The following SORCS3 variants were observed in gnomAD, a reference collection of about 807,000 sequenced individuals.
SORCS3 encodes the protein VPS10 domain-containing receptor SorCS3.
In SORCS3, 57 loss-of-function variants were observed where a neutral mutation model predicts 146.3. The observed-to-expected ratio is 0.39, with a 90% CI of 0.31 to 0.49. The LOEUF is 0.49. SORCS3 is among the 20% of genes least tolerant of loss of function. SORCS3 has a pLI of 0.92. For missense variants in SORCS3, 1,341 were observed against 1,575.5 expected, an observed-to-expected ratio of 0.85 and a Z score of 2.52; for synonymous variants, 653 against 618.5, an observed-to-expected ratio of 1.06 and a Z score of -0.83.
At chr10:104,648,430 C>G (rs1159484631) in intron 1 of SORCS3, among the ~76,000 whole-genome samples, 3 of 152,054 alleles carry the variant, frequency 2.0e-5, no homozygotes, top group Admixed American at 6.6e-5. Flanking sequence ...GATGAGGTGC[C>G]CATTTTATAG....
At chr10:104,896,591 G>A (rs1325796948) in intron 2 of SORCS3, among the ~76,000 whole-genome samples, 3 of 152,350 alleles carry the variant, frequency 2.0e-5, no homozygotes, top group East Asian at 1.9e-4. Flanking sequence ...TAGGGATGGG[G>A]CAAGTGGGCA....
intron 1 of SORCS3, among the ~76,000 whole-genome samples, chr10:104,753,543 T>A (rs1160644534): frequency 6.6e-6 from 1 of 152,224 alleles, no homozygotes; most frequent in Non-Finnish European, 1.5e-5. Flanking sequence ...CTAGCAACAC[T>A]TAGCTTTTAA....
intron 16 of SORCS3, among the ~76,000 whole-genome samples, chr10:105,208,779 A>G (rs1349289874): frequency 6.6e-6 from 1 of 152,146 alleles, no homozygotes; most frequent in African/African-American, 2.4e-5. Context: ...TTAGCTTGCA[A>G]AATTTCTGAG....
chr10:105,190,387 AC>A (rs1294703281), intron 14 of SORCS3, among the ~76,000 whole-genome samples: 2 of 152,146 alleles, frequency 1.3e-5, no homozygotes, highest in East Asian at 3.9e-4. Context: ...ATAATTTTTC[AC>A]TAATATTAGT....
intron 11 of SORCS3, among the ~76,000 whole-genome samples, chr10:105,163,024 T>C (rs1233727189): frequency 6.6e-6 from 1 of 152,176 alleles, no homozygotes; most frequent in Non-Finnish European, 1.5e-5. Flanking sequence ...AACCTGTATC[T>C]GGGGAGTTGA....
chr10:105,216,857 C>T (rs2056668005), intron 18 of SORCS3, 79 bp from the exon 19 acceptor site: 2 of 1,430,238 alleles, frequency 1.4e-6, no homozygotes, highest in African/African-American at 2.8e-5. Context: ...GAGGTTGATG[C>T]TGAAGCAACA....
At chr10:104,975,573 A>G (rs1329313386) in intron 3 of SORCS3, among the ~76,000 whole-genome samples, 1 of 152,208 alleles carries the variant, frequency 6.6e-6, no homozygotes, top group Non-Finnish European at 1.5e-5. Flanking sequence ...TAAAGTTCAT[A>G]TGGAGCCAAA....
chr10:104,929,844 A>C (rs1479873571), intron 3 of SORCS3, among the ~76,000 whole-genome samples: 2 of 152,244 alleles, frequency 1.3e-5, no homozygotes, highest in Non-Finnish European at 2.9e-5. Flanking sequence ...GCCAGCGTGC[A>C]AAAACTGGAA....
chr10:105,209,763 G>A (rs896570501), intron 16 of SORCS3, among the ~76,000 whole-genome samples: 6 of 152,146 alleles, frequency 3.9e-5, no homozygotes, highest in African/African-American at 1.4e-4. Flanking sequence ...GGTTGAAAAG[G>A]CTGGCTAGAA....
At chr10:105,150,602 C>A (rs150114138) in intron 9 of SORCS3, among the ~76,000 whole-genome samples, 5 of 152,250 alleles carry the variant, frequency 3.3e-5, no homozygotes, top group Non-Finnish European at 5.9e-5. Context: ...AGAAAGTAAG[C>A]TAGCCAGGCT....
chr10:105,158,858 T>G, intron 10 of SORCS3, 34 bp from the exon 11 acceptor site: 2 of 1,546,004 alleles, frequency 1.3e-6, no homozygotes, highest in Non-Finnish European at 1.8e-6. Flanking sequence ...GTCTGGAATT[T>G]CCTAGAATGA....
At chr10:104,643,010 G>T (rs371247545) in intron 1 of SORCS3, among the ~76,000 whole-genome samples, 1 of 152,232 alleles carries the variant, frequency 6.6e-6, no homozygotes, top group East Asian at 1.9e-4. Flanking sequence ...AAGAAAAGGC[G>T]GGGGACAGGT....
At chr10:104,769,883 T>C (rs1185649650) in intron 1 of SORCS3, among the ~76,000 whole-genome samples, 1 of 152,196 alleles carries the variant, frequency 6.6e-6, no homozygotes, top group East Asian at 1.9e-4. Flanking sequence ...TTATACACTT[T>C]TGTCAGATGA....
chr10:104,735,010 A>T (rs1001934344), intron 1 of SORCS3, among the ~76,000 whole-genome samples: 1 of 151,976 alleles, frequency 6.6e-6, no homozygotes. Flanking sequence ...GCAGTTAATT[A>T]AAAAAAATCT....
intron 4 of SORCS3, among the ~76,000 whole-genome samples, chr10:105,032,870 C>A (rs1462070228): frequency 6.6e-6 from 1 of 151,964 alleles, no homozygotes; most frequent in East Asian, 1.9e-4. Flanking sequence ...AAACTAAAAC[C>A]CTTAGAGAAA....
intron 1 of SORCS3, among the ~76,000 whole-genome samples, chr10:104,671,366 G>A (rs1321581808): frequency 1.9e-5 from 1 of 51,390 alleles, no homozygotes; most frequent in South Asian, 8.1e-4. Context: ...ACAGAGTCTT[G>A]TTCTGTTGCC....
At chr10:105,257,675 G>A (rs752957957) in intron 25 of SORCS3, among the ~76,000 whole-genome samples, 1 of 152,114 alleles carries the variant, frequency 6.6e-6, no homozygotes, top group Non-Finnish European at 1.5e-5. Context: ...ATTGTTATTT[G>A]CCTCTCTAAG....
chr10:105,161,111 C>G (rs1034043456), intron 11 of SORCS3, among the ~76,000 whole-genome samples: 2 of 152,086 alleles, frequency 1.3e-5, no homozygotes, highest in African/African-American at 4.8e-5. Flanking sequence ...ATTTTTTTGT[C>G]CCATATGTAT....
chr10:105,033,082 G>A (rs1420807379), intron 4 of SORCS3, among the ~76,000 whole-genome samples: 1 of 152,152 alleles, frequency 6.6e-6, no homozygotes, highest in Non-Finnish European at 1.5e-5. Context: ...TAAATACTGT[G>A]TAAATTGTAA....
Sources: allele counts gnomAD v4.1 joint callset (sites outside exome capture counted in the v4.1 genomes callset), GRCh38; gene constraint gnomAD v4.1.1; transcripts MANE v1.5; gene names NCBI Gene and HGNC (gene_info 2026-07-23, HGNC 2026-07-21).